Variants in CPA3 observed in about 807,000 individuals in gnomAD.
CPA3 encodes mast cell carboxypeptidase A.
CPA3 carries 52 observed loss-of-function variants against 55.8 expected under a neutral mutation model. The ratio of observed to expected loss-of-function variants is 0.93; its 90% CI spans 0.75 to 1.17. The LOEUF is 1.17. Among genes scored for constraint, CPA3 ranks in the 50% most tolerant of loss-of-function variants. CPA3 has a pLI of 0.00. For missense variants in CPA3, 547 were observed against 509.1 expected (o/e 1.07, Z -0.72); for synonymous variants, 179 against 171.2 (o/e 1.05, Z -0.36).
chr3:148,866,562 G>A (rs1333288212), intron 2 of CPA3, among the ~76,000 whole-genome samples: 11 of 152,148 alleles, frequency 7.2e-5, no homozygotes, highest in East Asian at 5.8e-4. Context: ...AAAGTCAAAC[G>A]CTTACATTCA....
intron 9 of CPA3, among the ~76,000 whole-genome samples, chr3:148,884,142 C>T (rs564518701): frequency 3.9e-5 from 6 of 152,146 alleles, no homozygotes; most frequent in East Asian, 1.9e-4. Flanking sequence ...AAACCATGCA[C>T]GGAAAAAGCC....
intron 10 of CPA3, among the ~76,000 whole-genome samples, chr3:148,893,100 T>G (rs1033281908): frequency 6.6e-6 from 1 of 151,972 alleles, no homozygotes; most frequent in Non-Finnish European, 1.5e-5. Context: ...ATAGCTAAAA[T>G]GTCCAGAATA....
At chr3:148,895,828 A>G (rs190854934) in intron 10 of CPA3, among the ~76,000 whole-genome samples, 11 of 148,706 alleles carry the variant, frequency 7.4e-5, no homozygotes, top group Admixed American at 2.7e-4. Context: ...TTTATATCAC[A>G]TAAAGCAAAA....
chr3:148,880,434 C>A (rs946596942), intron 6 of CPA3, among the ~76,000 whole-genome samples: 1 of 151,596 alleles, frequency 6.6e-6, no homozygotes, highest in Non-Finnish European at 1.5e-5. Context: ...TGGGTTCAAG[C>A]AATTCTACTA....
At chr3:148,892,912 G>T (rs930907180) in intron 10 of CPA3, among the ~76,000 whole-genome samples, 2 of 151,402 alleles carry the variant, frequency 1.3e-5, no homozygotes, top group Non-Finnish European at 2.9e-5. Context: ...CCAAGATTGT[G>T]TCATTGCATT....
At chr3:148,894,921 G>A (rs769130729) in intron 10 of CPA3, among the ~76,000 whole-genome samples, 6 of 152,104 alleles carry the variant, frequency 3.9e-5, no homozygotes, top group Non-Finnish European at 5.9e-5. Context: ...CCATCCCAAT[G>A]CTCTCTGAGT....
intron 10 of CPA3, among the ~76,000 whole-genome samples, chr3:148,892,895 C>G (rs1387009083): frequency 8.8e-6 from 1 of 113,346 alleles, no homozygotes; most frequent in East Asian, 2.7e-4. Context: ...GCAGAGGTTG[C>G]AGTGAGCCAA....
At chr3:148,891,614 A>G (rs952204164) in intron 10 of CPA3, among the ~76,000 whole-genome samples, 1 of 152,156 alleles carries the variant, frequency 6.6e-6, no homozygotes, top group African/African-American at 2.4e-5. Context: ...TTGCAAATTT[A>G]AGATCTAGAA....
rs1354282677 is a variant in CPA3, at chr3:148,883,762, C to G, written c.928C>G (p.Leu310Val). The change falls in exon 9 of 11, where the codon CTA becomes GTA. Residue 310 changes from leucine (L) to valine (V), a missense_variant. Transcript: ENST00000296046. ...YITFHSYSQMLLFPYGYTSKL... is the reference protein window; with the variant it reads ...YITFHSYSQMVLFPYGYTSKL... The stretch of plus-strand genomic sequence containing the variant: ...CACCTTCCATTCCTACTCCCAGATG[C>G]TATTGTTTCCCTATGGATATACATC... The G allele has an allele frequency of 6.2e-7, 1 of 1,614,126 alleles. No individual in the cohort carries two copies. The highest frequency in any genetic ancestry group is 8.5e-7 in the Non-Finnish European group (1 of 1,179,980).
chr3:148,893,600 G>A (rs922880227), intron 10 of CPA3, among the ~76,000 whole-genome samples: 31 of 151,852 alleles, frequency 2.0e-4, no homozygotes, highest in African/African-American at 7.0e-4. Context: ...AACAGGAGCT[G>A]GAAAAAAAAT....
At position 148,896,665 on chromosome 3, in the gene CPA3, T is replaced by C. The variant is rs1463388350; in HGVS notation, c.1212T>C (p.Ala404=). The change falls in exon 11 of 11, where the codon GCT becomes GCC. Residue 404 remains alanine, a synonymous_variant. Transcript: ENST00000296046. ...CAACGTGCAGAGAGACCATGCTAGC[T>C]GTCAAATTTATTGCCAAGTATATCC... The part of the protein sequence containing the change: ...IKPTCRETML[A]VKFIAKYILK... 8 of 1,559,518 alleles carry C rather than the reference T, an allele frequency of 5.1e-6. No homozygotes were observed. In the East Asian group the frequency reaches 1.6e-4, roughly 31 times the overall value.
At chr3:148,892,925 C>T (rs796192103) in intron 10 of CPA3, among the ~76,000 whole-genome samples, 4 of 151,572 alleles carry the variant, frequency 2.6e-5, no homozygotes, top group African/African-American at 7.3e-5. Context: ...ATTGCATTCT[C>T]GCCTGGGTGA....
At chr3:148,891,958 G>T (rs991664022) in intron 10 of CPA3, among the ~76,000 whole-genome samples, 1 of 152,188 alleles carries the variant, frequency 6.6e-6, no homozygotes, top group African/African-American at 2.4e-5. Flanking sequence ...CTAGCTAAAA[G>T]TGGCAATCTG....
intron 10 of CPA3, among the ~76,000 whole-genome samples, chr3:148,894,577 A>C (rs1714774578): frequency 6.6e-6 from 1 of 152,178 alleles, no homozygotes; most frequent in Non-Finnish European, 1.5e-5. Flanking sequence ...TAATTCAACA[A>C]TATGCTGTTT....
rs891023812 is a variant in CPA3 at position 148,873,802 on chromosome 3, T to C, written c.270-4639T>C. Among the ~76,000 whole-genome samples the C allele has an allele frequency of 2.0e-5, 3 of 152,186 alleles. No homozygotes were observed. In the East Asian group the frequency reaches 5.8e-4, roughly 29 times the overall value. On this transcript the variant is annotated intron_variant, in intron 3 of 10. Transcript: ENST00000296046. ...TCATAAAAACAAGAGCTGATAATGG[T>C]ACCCAGTTAATCATGTTGAGTGATA...
intron 10 of CPA3, among the ~76,000 whole-genome samples, chr3:148,890,009 C>A (rs2108039243): frequency 6.6e-6 from 1 of 151,762 alleles, no homozygotes; most frequent in East Asian, 1.9e-4. Flanking sequence ...TTAAGTGATT[C>A]TAAGATGAAA....
intron 6 of CPA3, 79 bp from the exon 7 acceptor site, chr3:148,881,443 T>A: frequency 1.3e-6 from 1 of 783,614 alleles, no homozygotes; most frequent in Non-Finnish European, 2.1e-6. Context: ...TGACTCAAGT[T>A]ATTACTATTA....
At chr3:148,870,675 A>T (rs956766557) in intron 3 of CPA3, among the ~76,000 whole-genome samples, 8 of 151,942 alleles carry the variant, frequency 5.3e-5, no homozygotes, top group African/African-American at 1.7e-4. Flanking sequence ...ATATATTTAT[A>T]AAAAAAACTA....
chr3:148,887,453 C>T (rs1283900238), intron 10 of CPA3, among the ~76,000 whole-genome samples: 1 of 152,132 alleles, frequency 6.6e-6, no homozygotes, highest in Admixed American at 6.5e-5. Flanking sequence ...TAGTAACCGG[C>T]GAAGCTGGAA....
Sources: gnomAD v4.1 joint callset for allele counts (sites outside exome capture counted in the v4.1 genomes callset) on GRCh38, gnomAD v4.1.1 for gene constraint, MANE v1.5 for transcripts, NCBI Gene and HGNC (gene_info 2026-07-23, HGNC 2026-07-21) for gene names.